Variants in HIPK1 observed in about 807,000 individuals in gnomAD.
HIPK1 encodes the protein homeodomain-interacting protein kinase 1.
A neutral mutation model predicts 117.1 loss-of-function variants in HIPK1; 28 were observed. That is an observed-to-expected ratio of 0.24 (90% CI 0.18 to 0.33). The LOEUF is 0.33. Ranked by LOEUF, HIPK1 falls within the 10% of genes least tolerant of loss-of-function variation. The pLI is 1.00. For synonymous variants in HIPK1, 605 were observed against 562.5 expected, an observed-to-expected ratio of 1.08 and a Z score of -1.07; for missense variants, 1,122 against 1,475.1, an observed-to-expected ratio of 0.76 and a Z score of 3.92.
rs1366174600 is a variant in HIPK1 at position 113,973,457 on chromosome 1, T to C, written c.3578T>C (p.Ile1193Thr). 3 of 1,613,332 alleles carry C rather than the reference T, an allele frequency of 1.9e-6. No individual in the cohort carries two copies. In the South Asian group the frequency reaches 3.3e-5, roughly 18 times the overall value. The change falls in exon 16 of 16, where the codon ATT (isoleucine) becomes ACT (threonine). Residue 1193 changes from isoleucine to threonine, a missense_variant. Around this residue, in one of 6 missense-constraint regions of HIPK1, gnomAD observed 731 missense variants for 860.4 expected, o/e 0.85. Coordinates refer to ENST00000426820, the MANE Select transcript of HIPK1 (RefSeq NM_198268.3). ...SYIGSSRGST[I>T]YTGYPLSPTK... The stretch of plus-strand genomic sequence containing the variant: ...ATTGGGTCTTCCCGAGGCTCAACAA[T>C]TTACACTGGATACCCGCTGAGTCCT...
chr1:113,959,178 A>C (rs1671922797), intron 8 of HIPK1, among the ~76,000 whole-genome samples: 1 of 152,120 alleles, frequency 6.6e-6, no homozygotes, highest in African/African-American at 2.4e-5. Context: ...TTCATATAAC[A>C]CTTTACATAG....
chr1:113,966,340 T>C (rs1213999390), intron 11 of HIPK1, 68 bp downstream of exon 11: 7 of 1,429,000 alleles, frequency 4.9e-6, no homozygotes, highest in Non-Finnish European at 6.6e-6. Flanking sequence ...CACTTGGTAA[T>C]AAGGAGAGAG....
intron 5 of HIPK1, among the ~76,000 whole-genome samples, 194 bp downstream of exon 5, chr1:113,955,843 TTCTC>T (rs1424577988): frequency 1.3e-5 from 2 of 152,196 alleles, no homozygotes; most frequent in African/African-American, 4.8e-5. Flanking sequence ...AATTACATAT[TTCTC>T]TCTTGCTTTA....
chr1:113,959,441 C>A (rs1299688363), intron 8 of HIPK1, among the ~76,000 whole-genome samples: 2 of 152,170 alleles, frequency 1.3e-5, no homozygotes, highest in Non-Finnish European at 2.9e-5. Context: ...GCATATGCTT[C>A]ATAATAGTAA....
chr1:113,933,258 A>G lies in HIPK1; in HGVS notation c.-3+3726A>G, dbSNP rs1017257027. On this transcript the variant is annotated intron_variant, in intron 1 of 15. Transcript: ENST00000426820. ...GGGTAAGTAAAAGTTAGGAAAAGAAAAGCCTAAGGGGGAAAATGAAGTTCA... is the reference window on the plus strand; with the variant it reads ...GGGTAAGTAAAAGTTAGGAAAAGAAGAGCCTAAGGGGGAAAATGAAGTTCA... 3 of 906,722 alleles carry G rather than the reference A, an allele frequency of 3.3e-6. No homozygotes were observed. In the African/African-American group the frequency reaches 5.4e-5, roughly 16 times the overall value. 56.2% of individuals were successfully genotyped at this position (906,722 alleles called of 1,614,324 possible). A position where few individuals can be genotyped will look rare whatever the true frequency, so the allele number is the denominator to read the frequency against.
At position 113,929,551 on chromosome 1, in the gene HIPK1, G is replaced by A; in HGVS notation, c.-3+19G>A. 7.8e-7 allele frequency: 1 copy of A among 1,283,694 alleles called. No individual in the cohort carries two copies. Among genetic ancestry groups the A allele is most frequent in the Non-Finnish European group, 1.0e-6 (1 of 984,422 alleles). 79.5% of individuals were successfully genotyped at this position (1,283,694 alleles called of 1,614,324 possible). A position where few individuals can be genotyped will look rare whatever the true frequency, so the allele number is the denominator to read the frequency against. ...CGCCTCAGTAGGTGTCATGGCGCGGGGCGGGTGAATAGTTCCGGCGAGGCG... is the reference window on the plus strand; with the variant it reads ...CGCCTCAGTAGGTGTCATGGCGCGGAGCGGGTGAATAGTTCCGGCGAGGCG... On this transcript the variant is annotated intron_variant, in intron 1 of 15. Coordinates refer to ENST00000426820, the MANE Select transcript of HIPK1 (RefSeq NM_198268.3).
At chr1:113,936,614 G>A (rs1217636573) in intron 1 of HIPK1, among the ~76,000 whole-genome samples, 1 of 152,132 alleles carries the variant, frequency 6.6e-6, no homozygotes, top group African/African-American at 2.4e-5. Flanking sequence ...ACAAGTGCGT[G>A]TCACCACGCC....
chr1:113,972,091 T>A, intron 15 of HIPK1, 137 bp downstream of exon 15: 2 of 1,604,806 alleles, frequency 1.2e-6, no homozygotes, highest in Non-Finnish European at 1.7e-6. Flanking sequence ...TTCTATGGCT[T>A]ACGTCGTACC....
At chr1:113,953,033 G>A (rs188725653) in intron 3 of HIPK1, 144 bp downstream of exon 3, 1 of 669,080 alleles carries the variant, frequency 1.5e-6, no homozygotes, top group Non-Finnish European at 2.1e-6. Flanking sequence ...ACTTTTTAAA[G>A]AATAGTATAA....
At chr1:113,944,476 T>G (rs1670859610) in intron 2 of HIPK1, among the ~76,000 whole-genome samples, 1 of 150,116 alleles carries the variant, frequency 6.7e-6, no homozygotes, top group Non-Finnish European at 1.5e-5. Context: ...TAATAGTTTT[T>G]TTTTGTTTTT....
rs1673024905 is a variant in HIPK1, at chr1:113,974,260, G to A, written c.*748G>A. The stretch of plus-strand genomic sequence containing the variant: ...ACTTAATGTGAGAGAATCCATATCT[G>A]CGTGAAAACACCAAGTATTCTTTTT... On this transcript the variant is annotated 3_prime_UTR_variant, in exon 16 of 16. Transcript: ENST00000426820. 6.6e-6 allele frequency: 1 copy of A among 152,652 alleles called. No homozygotes were observed. The highest frequency in any genetic ancestry group is 1.5e-5 in the Non-Finnish European group (1 of 68,032). The allele number at this position is 152,652 out of a possible 1,614,324, so 9.5% of individuals were successfully genotyped here.
intron 2 of HIPK1, among the ~76,000 whole-genome samples, chr1:113,949,581 G>A (rs1048711153): frequency 1.3e-5 from 2 of 149,034 alleles, no homozygotes; most frequent in Non-Finnish European, 3.0e-5. Context: ...TCACTTTTGA[G>A]GGTTACTTCT....
Position 113,975,638 on chromosome 1 carries a change from T to C in HIPK1, c.*2126T>C, listed in dbSNP as rs1183037594. On this transcript the variant is annotated 3_prime_UTR_variant, in exon 16 of 16. Transcript: ENST00000426820. ...TGTTTATACCAAAGAGCCTGTTGTA[T>C]TGCTTACCATGTCCCCATACTATGA... 1.3e-5 allele frequency: 2 copies of C among 152,766 alleles called. No homozygotes were observed. Among genetic ancestry groups the C allele is most frequent in the African/African-American group, 4.8e-5 (2 of 41,452 alleles). The allele number at this position is 152,766 out of a possible 1,614,324, so 9.5% of individuals were successfully genotyped here.
chr1:113,947,337 C>T (rs1671049824), intron 2 of HIPK1, among the ~76,000 whole-genome samples: 2 of 152,160 alleles, frequency 1.3e-5, no homozygotes, highest in Non-Finnish European at 2.9e-5. Context: ...ACAAACTAGC[C>T]AGCCTTTATT....
At chr1:113,929,574 G>A in intron 1 of HIPK1, 42 bp downstream of exon 1, 1 of 1,264,390 alleles carries the variant, frequency 7.9e-7, no homozygotes. Flanking sequence ...TTCCGGCGAG[G>A]CGGGGCCGGC....
At chr1:113,933,043 C>A in intron 1 of HIPK1, 1 of 239,108 alleles carries the variant, frequency 4.2e-6, no homozygotes, top group Non-Finnish European at 6.8e-6. Context: ...TAATTCTAAG[C>A]TTTATAGACC....
intron 8 of HIPK1, among the ~76,000 whole-genome samples, chr1:113,961,713 A>C (rs982722545): frequency 6.6e-6 from 1 of 152,146 alleles, no homozygotes; most frequent in Non-Finnish European, 1.5e-5. Flanking sequence ...TGGGAGGCCA[A>C]GATGGGCAGA....
At chr1:113,956,954 T>C (rs956426844) in intron 6 of HIPK1, 143 bp downstream of exon 6, 25 of 917,454 alleles carry the variant, frequency 2.7e-5, no homozygotes, top group Non-Finnish European at 3.4e-5. Flanking sequence ...TGAAACATCA[T>C]AAGATAAAAA....
chr1:113,949,129 C>G (rs935020728), intron 2 of HIPK1, among the ~76,000 whole-genome samples: 1 of 152,190 alleles, frequency 6.6e-6, no homozygotes, highest in East Asian at 1.9e-4. Context: ...TGAGCCACCG[C>G]GCCTGGCCTG....
Sources: gnomAD v4.1 joint callset for allele counts (sites outside exome capture counted in the v4.1 genomes callset) on GRCh38, gnomAD v4.1.1 for gene constraint, gnomAD v4.1.1 regional missense constraint, MANE v1.5 for transcripts, NCBI Gene and HGNC (gene_info 2026-07-23, HGNC 2026-07-21) for gene names.